MAGI1: variants seen among roughly 807,000 people sequenced by gnomAD.
MAGI1 encodes membrane-associated guanylate kinase, WW and PDZ domain-containing protein 1.
A neutral mutation model predicts 139.9 loss-of-function variants in MAGI1; 58 were observed. The ratio of observed to expected loss-of-function variants is 0.41; its 90% CI spans 0.34 to 0.52. The LOEUF is 0.52. Among genes scored for constraint, MAGI1 ranks in the 20% least tolerant of loss-of-function variants. The pLI, the probability that MAGI1 is intolerant of heterozygous loss-of-function variation, is 0.12. For missense variants in MAGI1, 1,874 were observed against 1,901.6 expected, an observed-to-expected ratio of 0.99 and a Z score of 0.27; for synonymous variants, 812 against 737.9, an observed-to-expected ratio of 1.10 and a Z score of -1.63.
At chr3:65,812,699 C>CTTTTTTTTTT in intron 1 of MAGI1, among the ~76,000 whole-genome samples, 1 of 72,890 alleles carries the variant, frequency 1.4e-5, no homozygotes, top group Non-Finnish European at 2.4e-5. Context: ...AGTTAGTTTA[C>CTTTTTTTTTT]TTTTTTTTTT....
At chr3:65,967,610 A>G (rs552808955) in intron 1 of MAGI1, among the ~76,000 whole-genome samples, 3 of 152,344 alleles carry the variant, frequency 2.0e-5, no homozygotes, top group South Asian at 2.1e-4. Context: ...CCATCTCCCA[A>G]TTGAAAGTGT....
At position 65,615,847 on chromosome 3, in the gene MAGI1, C is replaced by T. The variant is rs892288262; in HGVS notation, c.430+6125G>A. On this transcript the variant is annotated intron_variant, in intron 2 of 22. Coordinates refer to ENST00000402939, the MANE Select transcript of MAGI1 (RefSeq NM_001033057.2). ...TCGCGAAACATAAATCATAGCTCAC[C>T]TTATACATGGTGAAATAGGAAACCA... Among the ~76,000 whole-genome samples the T allele has an allele frequency of 9.9e-5, 15 of 152,280 alleles. No individual in the cohort carries two copies. In the East Asian group the frequency reaches 2.5e-3, roughly 25 times the overall value.
chr3:65,472,094 C>T (rs926790923), intron 4 of MAGI1, among the ~76,000 whole-genome samples: 1 of 152,140 alleles, frequency 6.6e-6, no homozygotes, highest in African/African-American at 2.4e-5. Flanking sequence ...GTTAGTTTTG[C>T]AACTTGCACC....
intron 1 of MAGI1, among the ~76,000 whole-genome samples, chr3:65,870,229 T>C (rs912509574): frequency 6.6e-6 from 1 of 151,964 alleles, no homozygotes; most frequent in Non-Finnish European, 1.5e-5. Context: ...AGCACTGAGA[T>C]ACTTTTTTTT....
chr3:65,687,629 G>A, intron 1 of MAGI1: 1 of 430,744 alleles, frequency 2.3e-6, no homozygotes, highest in Non-Finnish European at 4.7e-6. Context: ...TATAAAAAGA[G>A]AATGGTCACT....
At chr3:65,816,161 T>C (rs1244833429) in intron 1 of MAGI1, among the ~76,000 whole-genome samples, 1 of 152,110 alleles carries the variant, frequency 6.6e-6, no homozygotes. Context: ...CCCCAGGTGA[T>C]TTTAATGTAG....
intron 1 of MAGI1, among the ~76,000 whole-genome samples, chr3:65,924,137 C>T (rs2062377358): frequency 6.6e-6 from 1 of 152,184 alleles, no homozygotes; most frequent in African/African-American, 2.4e-5. Flanking sequence ...TACCAATTGA[C>T]ACTCATTTAA....
At chr3:65,986,356 C>A (rs900057972) in intron 1 of MAGI1, among the ~76,000 whole-genome samples, 1 of 152,188 alleles carries the variant, frequency 6.6e-6, no homozygotes, top group South Asian at 2.1e-4. Context: ...ACAACCTAAA[C>A]GCTAATTTTA....
At chr3:65,662,843 A>T (rs1340984890) in intron 1 of MAGI1, among the ~76,000 whole-genome samples, 2 of 152,134 alleles carry the variant, frequency 1.3e-5, no homozygotes, top group East Asian at 3.9e-4. Flanking sequence ...TATGACCTAC[A>T]TCTCTATTCT....
In MAGI1 at chr3:65,493,727, G is replaced by A. The variant is rs369800014; in HGVS notation, c.431-96C>T. 283 of 1,431,586 alleles carry A rather than the reference G, an allele frequency of 2.0e-4. 2 individuals are homozygous for A. The South Asian group carries it at 3.2e-3, about 16-fold the overall frequency. 88.7% of individuals were successfully genotyped at this position (1,431,586 alleles called of 1,614,324 possible). ...AATTAAAATAACCTGTTCAGTAAGA[G>A]GGCGTACCTAAGACTCTGCTGCCTC... On this transcript the variant is annotated intron_variant, in intron 2 of 22. Transcript: ENST00000402939.
intron 14 of MAGI1, among the ~76,000 whole-genome samples, chr3:65,384,725 C>T (rs1575576471): frequency 6.6e-6 from 1 of 151,804 alleles, no homozygotes; most frequent in Non-Finnish European, 1.5e-5. Context: ...AGAGTAAGAC[C>T]CTGTCTCAAA....
rs760140821 is a variant in MAGI1, at chr3:65,379,285, T to C, written c.2971A>G (p.Arg991Gly). 2.5e-6 allele frequency: 4 copies of C among 1,613,012 alleles called. No homozygotes were observed. The South Asian group carries it at 3.3e-5, about 13-fold the overall frequency. ...CCAAAGGTCGTGCCTGCTTCGGGCC[T>C]GCTCACCGAGGACACGATGACGAAG... ...FGFVIVSSVS[R>G]PEAGTTFGNA... Residue 991 changes from arginine (R) to glycine (G), a missense_variant, in exon 17 of 23, where the codon AGG (arginine) becomes GGG (glycine). This residue lies in a region of MAGI1 where 653 missense variants were observed against 644.5 expected (regional missense o/e 1.01). Transcript: ENST00000402939.
At chr3:65,737,256 C>G (rs2034842085) in intron 1 of MAGI1, among the ~76,000 whole-genome samples, 1 of 152,220 alleles carries the variant, frequency 6.6e-6, no homozygotes, top group Admixed American at 6.5e-5. Context: ...CCACCTGCCT[C>G]AGCCTCCCAA....
chr3:65,915,530 C>CT (rs2061857139), intron 1 of MAGI1, among the ~76,000 whole-genome samples: 1 of 152,212 alleles, frequency 6.6e-6, no homozygotes, highest in South Asian at 2.1e-4. Flanking sequence ...GGGTCTTTTT[C>CT]TTTTTTTAAA....
chr3:65,470,927 T>C (rs1384617859), intron 4 of MAGI1, among the ~76,000 whole-genome samples: 2 of 152,254 alleles, frequency 1.3e-5, no homozygotes, highest in Non-Finnish European at 2.9e-5. Context: ...ACAGTGGCAT[T>C]ACTGTCCACT....
At chr3:65,545,020 G>A (rs2079431019) in intron 2 of MAGI1, among the ~76,000 whole-genome samples, 1 of 152,068 alleles carries the variant, frequency 6.6e-6, no homozygotes, top group African/African-American at 2.4e-5. Context: ...GAAAGGGGCG[G>A]GCTGCAACGG....
chr3:65,375,601 G>T, intron 18 of MAGI1, 144 bp downstream of exon 18: 1 of 693,542 alleles, frequency 1.4e-6, no homozygotes, highest in Non-Finnish European at 2.4e-6. Context: ...GGTATATTTA[G>T]TTAGGGATGA....
chr3:65,955,064 C>A (rs1002816802), intron 1 of MAGI1, among the ~76,000 whole-genome samples: 1 of 152,124 alleles, frequency 6.6e-6, no homozygotes, highest in Non-Finnish European at 1.5e-5. Flanking sequence ...TAACCTCTCT[C>A]ATCTGGTCTT....
In MAGI1 at chr3:65,979,538, G is replaced by A. The variant is rs563294002; in HGVS notation, c.313+58458C>T. On this transcript the variant is annotated intron_variant, in intron 1 of 22. Transcript: ENST00000402939. ...AAACTCACTGTTGTCTTGCTTCAGG[G>A]AATTTTAATGGCAGCATTTCTGTTT... Among the ~76,000 whole-genome samples, 8 of 152,246 alleles carry A rather than the reference G, an allele frequency of 5.3e-5. 1 individual carries two copies. The South Asian group carries it at 1.7e-3, about 32-fold the overall frequency.
Sources: allele counts gnomAD v4.1 joint callset (sites outside exome capture counted in the v4.1 genomes callset), GRCh38; gene constraint gnomAD v4.1.1; regional missense constraint gnomAD v4.1.1; transcripts MANE v1.5; gene names NCBI Gene and HGNC (gene_info 2026-07-23, HGNC 2026-07-21).